MRPS35: variants seen among roughly 807,000 people sequenced by gnomAD.
The protein encoded by MRPS35 is small ribosomal subunit protein mS35.
MRPS35 carries 29 observed loss-of-function variants against 32.7 expected under a neutral mutation model. The observed-to-expected ratio is 0.89, with a 90% CI of 0.66 to 1.21. The LOEUF (loss-of-function observed/expected upper bound fraction) is 1.21, where lower values mean the gene tolerates loss of function less well. Among genes scored for constraint, MRPS35 ranks in the 50% most tolerant of loss-of-function variants. MRPS35 has a pLI of 0.00. For missense variants in MRPS35, 373 were observed against 383.8 expected (o/e 0.97, Z 0.23); for synonymous variants, 148 against 139.3 (o/e 1.06, Z -0.44).
At chr12:27,719,275 C>T (rs948345839) in intron 3 of MRPS35, among the ~76,000 whole-genome samples, 14 of 152,102 alleles carry the variant, frequency 9.2e-5, no homozygotes, top group Non-Finnish European at 1.8e-4. Context: ...GATCTGAAGA[C>T]AAATCCAGGT....
At chr12:27,751,684 G>A (rs1293465875) in intron 7 of MRPS35, among the ~76,000 whole-genome samples, 1 of 152,188 alleles carries the variant, frequency 6.6e-6, no homozygotes, top group East Asian at 1.9e-4. Context: ...AGCTTTGGCT[G>A]TCTCTCTTTC....
chr12:27,718,941 G>T (rs768944845), intron 3 of MRPS35, among the ~76,000 whole-genome samples: 1 of 152,068 alleles, frequency 6.6e-6, no homozygotes, highest in Non-Finnish European at 1.5e-5. Flanking sequence ...ACAAAAATTA[G>T]CCGGGCATAG....
chr12:27,716,379 T>C lies in MRPS35; in HGVS notation c.242T>C (p.Val81Ala). Residue 81 changes from valine (V) to alanine (A), a missense_variant, in exon 3 of 8, where the codon GTA becomes GCA. Val to Ala is a moderately conservative substitution (Grantham distance 64). Coordinates refer to ENST00000081029, the MANE Select transcript of MRPS35 (RefSeq NM_021821.4). ...GCAGCACCATTTAAACCCTCTGCAG[T>C]ACCTCTTCCTGTTCGAATGGGTTAT... ...PVAAPFKPSA[V>A]PLPVRMGYPV... 2 of 1,614,074 alleles carry C rather than the reference T, an allele frequency of 1.2e-6. No homozygotes were observed. Among genetic ancestry groups the C allele is most frequent in the African/African-American group, 1.3e-5 (1 of 75,054 alleles).
chr12:27,726,932 G>A (rs1220241273), intron 5 of MRPS35, among the ~76,000 whole-genome samples: 1 of 146,166 alleles, frequency 6.8e-6, no homozygotes, highest in African/African-American at 2.5e-5. Context: ...CATTCTTTGG[G>A]TTGTCCTCTT....
At chr12:27,751,671 G>T (rs936889951) in intron 7 of MRPS35, among the ~76,000 whole-genome samples, 1 of 152,152 alleles carries the variant, frequency 6.6e-6, no homozygotes, top group African/African-American at 2.4e-5. Flanking sequence ...TGTCCAGACG[G>T]ACAGCTTTGG....
chr12:27,755,268 G>A lies in MRPS35; in HGVS notation c.790G>A (p.Glu264Lys), dbSNP rs780263982. 2 of 1,612,886 alleles carry A rather than the reference G, an allele frequency of 1.2e-6. No individual in the cohort carries two copies. Among genetic ancestry groups the A allele is most frequent in the Non-Finnish European group, 1.7e-6 (2 of 1,179,774 alleles). Residue 264 changes from glutamate (E) to lysine (K), a missense_variant, in exon 8 of 8, where the codon GAA (glutamate) becomes AAA (lysine). Coordinates refer to ENST00000081029, the MANE Select transcript of MRPS35 (RefSeq NM_021821.4). ...TAGCTCATCAGAAAGAAATATCCTGGAAACGCTTCTCCAGATGAAAGCTGC... is the reference window on the plus strand; with the variant it reads ...TAGCTCATCAGAAAGAAATATCCTGAAAACGCTTCTCCAGATGAAAGCTGC... ...ENSSSERNIL[E>K]TLLQMKAAEK...
chr12:27,724,031 T>C lies in MRPS35; in HGVS notation c.383-16T>C. On this transcript the variant is annotated splice_polypyrimidine_tract_variant and intron_variant, in intron 4 of 7. Transcript: ENST00000081029. Reference sequence around the variant, plus strand: ...ACTTGCAAAAGTGTAATTGAAATTATTTCTTTTATTCTCAGATTTTTGCAC... The same window carrying C: ...ACTTGCAAAAGTGTAATTGAAATTACTTCTTTTATTCTCAGATTTTTGCAC... 1 of 1,607,076 alleles carries C rather than the reference T, an allele frequency of 6.2e-7. No homozygotes were observed. Among genetic ancestry groups the C allele is most frequent in the Non-Finnish European group, 8.5e-7 (1 of 1,178,236 alleles).
In MRPS35 at chr12:27,725,915, C is replaced by G. The variant is rs147375064; in HGVS notation, c.522+1729C>G. Among the ~76,000 whole-genome samples, 9 of 150,402 alleles carry G rather than the reference C, an allele frequency of 6.0e-5. No individual in the cohort carries two copies. In the East Asian group the frequency reaches 1.8e-3, roughly 30 times the overall value. ...CTTCCATCCGGGCTCAAGTGATTCTCCCATCTCAGCCTCCTGAGCAGTAGC... is the reference window on the plus strand; with the variant it reads ...CTTCCATCCGGGCTCAAGTGATTCTGCCATCTCAGCCTCCTGAGCAGTAGC... On this transcript the variant is annotated intron_variant, in intron 5 of 7. Transcript: ENST00000081029.
chr12:27,728,554 A>G (rs1013910748), intron 5 of MRPS35, among the ~76,000 whole-genome samples: 1 of 152,160 alleles, frequency 6.6e-6, no homozygotes, highest in African/African-American at 2.4e-5. Context: ...ATTCCCAAAT[A>G]TCATCTAAAA....
In MRPS35 at chr12:27,724,035, T is replaced by C. The variant is rs2061888301; in HGVS notation, c.383-12T>C. 1 of 1,607,944 alleles carries C rather than the reference T, an allele frequency of 6.2e-7. No homozygotes were observed. The highest frequency in any genetic ancestry group is 1.7e-5 in the Admixed American group (1 of 57,636). Reference sequence around the variant, plus strand: ...GCAAAAGTGTAATTGAAATTATTTCTTTTATTCTCAGATTTTTGCACTGAG... The same window carrying C: ...GCAAAAGTGTAATTGAAATTATTTCCTTTATTCTCAGATTTTTGCACTGAG... On this transcript the variant is annotated splice_polypyrimidine_tract_variant and intron_variant, in intron 4 of 7. Coordinates refer to ENST00000081029, the MANE Select transcript of MRPS35 (RefSeq NM_021821.4).
At chr12:27,754,529 G>T (rs1034057443) in intron 7 of MRPS35, among the ~76,000 whole-genome samples, 36 of 151,814 alleles carry the variant, frequency 2.4e-4, no homozygotes, top group Admixed American at 1.9e-3. Context: ...GACTTTGAGA[G>T]GCCGTGGCAG....
Position 27,737,613 on chromosome 12 carries a change from G to A in MRPS35, c.702+5G>A, listed in dbSNP as rs778190902. 8 of 1,592,948 alleles carry A rather than the reference G, an allele frequency of 5.0e-6. No homozygotes were observed. The highest frequency in any genetic ancestry group is 6.9e-6 in the Non-Finnish European group (8 of 1,163,892). On this transcript the variant is annotated splice_donor_5th_base_variant and intron_variant, in intron 7 of 7. Transcript: ENST00000081029. ...GTGTTATACCATGAGTCTTGGGTAA[G>A]TGTGTGTGAATATTTAATGATTTTG...
At chr12:27,716,874 C>A (rs991679763) in intron 3 of MRPS35, among the ~76,000 whole-genome samples, 1 of 152,006 alleles carries the variant, frequency 6.6e-6, no homozygotes. Flanking sequence ...ACCTGTAATC[C>A]CAGCTACTTG....
intron 6 of MRPS35, among the ~76,000 whole-genome samples, chr12:27,736,872 A>T (rs951590850): frequency 1.3e-5 from 2 of 152,022 alleles, no homozygotes; most frequent in Non-Finnish European, 2.9e-5. Flanking sequence ...TCTACTTCTT[A>T]TTTTTATTTT....
intron 7 of MRPS35, among the ~76,000 whole-genome samples, chr12:27,739,310 C>T (rs539839715): frequency 6.6e-6 from 1 of 152,334 alleles, no homozygotes; most frequent in East Asian, 1.9e-4. Flanking sequence ...AAAAAATATA[C>T]TCCTTGAATA....
intron 7 of MRPS35, among the ~76,000 whole-genome samples, chr12:27,748,139 C>T (rs751546150): frequency 6.6e-4 from 101 of 152,172 alleles, no homozygotes; most frequent in Non-Finnish European, 1.1e-3. Flanking sequence ...TTCATTTCCT[C>T]GATTGTGTTA....
intron 7 of MRPS35, among the ~76,000 whole-genome samples, chr12:27,741,147 G>A (rs1027748238): frequency 6.6e-6 from 1 of 151,692 alleles, no homozygotes; most frequent in African/African-American, 2.4e-5. Flanking sequence ...CAGTCTGGGC[G>A]ACAGAGTGAG....
intron 5 of MRPS35, among the ~76,000 whole-genome samples, chr12:27,728,040 C>T (rs529578070): frequency 5.3e-5 from 8 of 152,046 alleles, no homozygotes; most frequent in Non-Finnish European, 8.8e-5. Context: ...TTTCAATCCA[C>T]GTTCCAATCC....
At chr12:27,755,086 G>GA (rs71438704) in intron 7 of MRPS35, 95 bp from the exon 8 acceptor site, 232,854 of 1,062,800 alleles carry the variant, frequency 0.22, 4,162 homozygotes, top group East Asian at 0.24. Flanking sequence ...AAAAAGGAAG[G>GA]AAAAAAAAAA....
Sources: gnomAD v4.1 joint callset for allele counts (sites outside exome capture counted in the v4.1 genomes callset) on GRCh38, gnomAD v4.1.1 for gene constraint, MANE v1.5 for transcripts, NCBI Gene and HGNC (gene_info 2026-07-23, HGNC 2026-07-21) for gene names.